BTNL9: variants seen among roughly 807,000 people sequenced by gnomAD.
The protein encoded by BTNL9 is butyrophilin like 9.
A neutral mutation model predicts 45.8 loss-of-function variants in BTNL9; 45 were observed. The ratio of observed to expected loss-of-function variants is 0.98; its 90% CI spans 0.77 to 1.26. BTNL9 has a LOEUF of 1.26. BTNL9 is among the 50% of genes most tolerant of loss of function. The pLI is 0.00. For missense variants in BTNL9, 784 were observed against 729.7 expected (o/e 1.07, Z -0.86); for synonymous variants, 346 against 330.8 (o/e 1.05, Z -0.50).
At position 181,053,562 on chromosome 5, in the gene BTNL9, A is replaced by G. The variant is rs772648579; in HGVS notation, c.886+61A>G. 6.4e-7 allele frequency: 1 copy of G among 1,553,040 alleles called. No individual in the cohort carries two copies. The highest frequency in any genetic ancestry group is 1.2e-5 in the South Asian group (1 of 84,184). ...CAAGTGCCAAAACCCGCCGTCATCT[A>G]AAGGCTGTGGGTCCCGTTACGAGGG... On this transcript the variant is annotated intron_variant, in intron 6 of 10. Coordinates refer to ENST00000327705, the MANE Select transcript of BTNL9 (RefSeq NM_152547.5). The surrounding 1 kb of genome is among the most constrained non-coding windows in gnomAD (Gnocchi z 6.5).
intron 1 of BTNL9, among the ~76,000 whole-genome samples, chr5:181,045,004 C>T (rs747772636): frequency 3.3e-5 from 5 of 152,272 alleles, no homozygotes; most frequent in African/African-American, 1.2e-4. Flanking sequence ...TTTGCGGACT[C>T]GATGTTCCAG....
chr5:181,059,253 C>T lies in BTNL9; in HGVS notation c.999C>T (p.Asp333=), dbSNP rs1226066190. The part of the protein sequence containing the change: ...AQKYAVDVTL[D]PASAHPSLEV... The stretch of plus-strand genomic sequence containing the variant: ...TCTGCGCAGTGGATGTGACGCTGGA[C>T]CCGGCCTCGGCGCACCCCAGCCTGG... The change falls in exon 11 of 11, where the codon GAC becomes GAT. Residue 333 remains aspartate (D), a synonymous_variant. Transcript: ENST00000327705. 6.4e-7 allele frequency: 1 copy of T among 1,562,388 alleles called. No homozygotes were observed. Among genetic ancestry groups the T allele is most frequent in the Non-Finnish European group, 8.6e-7 (1 of 1,163,648 alleles).
chr5:181,054,374 C>T (rs898356429), intron 7 of BTNL9, 115 bp downstream of exon 7: 14 of 1,544,652 alleles, frequency 9.1e-6, no homozygotes, highest in South Asian at 6.4e-5. Context: ...TCTAAACCAT[C>T]CCTGTGAGCC....
rs1761706473 is a variant in BTNL9 at position 181,053,613 on chromosome 5, C to T, written c.886+112C>T. The T allele has an allele frequency of 1.0e-5, 16 of 1,546,276 alleles. No individual in the cohort carries two copies. The highest frequency in any genetic ancestry group is 1.4e-5 in the Non-Finnish European group (16 of 1,144,292). ...TTTATTCCAGCGCGAGGTGTCAGGG[C>T]GGCCACCGGGGAACGGGGATCGGTG... is the stretch of plus-strand genomic sequence containing the variant. On this transcript the variant is annotated intron_variant, in intron 6 of 10. Coordinates refer to ENST00000327705, the MANE Select transcript of BTNL9 (RefSeq NM_152547.5). The surrounding 1 kb of genome is among the most constrained non-coding windows in gnomAD (Gnocchi z 6.5).
In BTNL9 at chr5:181,050,712, C is replaced by T. The variant is rs1458634749; in HGVS notation, c.736+343C>T. On this transcript the variant is annotated intron_variant, in intron 4 of 10. Transcript: ENST00000327705. The surrounding 1 kb of genome is among the most constrained non-coding windows in gnomAD (Gnocchi z 4.9). Reference sequence around the variant, plus strand: ...GTATTGAGTTTCCACAACGTGACCCCAGTCCCTACCCTCAGGTCCCCATGC... The same window carrying T: ...GTATTGAGTTTCCACAACGTGACCCTAGTCCCTACCCTCAGGTCCCCATGC... 6.6e-6 allele frequency among the ~76,000 whole-genome samples: 1 copy of T among 152,220 alleles called. No individual in the cohort carries two copies. Among genetic ancestry groups the T allele is most frequent in the African/African-American group, 2.4e-5 (1 of 41,450 alleles).
At position 181,055,161 on chromosome 5, in the gene BTNL9, G is replaced by A. The variant is rs1396967815; in HGVS notation, c.908-272G>A. On this transcript the variant is annotated intron_variant, in intron 7 of 10. Transcript: ENST00000327705. This position sits in a 1 kb window ranked among gnomAD's most constrained non-coding sequence, Gnocchi z 4.4. ...GCAGAAGGAACAACCCCAACCCTGG[G>A]AAGAGGCCTGTCAGTACTAAGATCT... 7.9e-7 allele frequency: 1 copy of A among 1,269,980 alleles called. No individual in the cohort carries two copies. The highest frequency in any genetic ancestry group is 1.5e-5 in the African/African-American group (1 of 65,298). 78.7% of individuals were successfully genotyped at this position (1,269,980 alleles called of 1,614,324 possible).
chr5:181,055,597 G>T lies in BTNL9; in HGVS notation c.928+144G>T. 1 of 975,296 alleles carries T rather than the reference G, an allele frequency of 1.0e-6. No individual in the cohort carries two copies. Among genetic ancestry groups the T allele is most frequent in the Non-Finnish European group, 1.6e-6 (1 of 625,326 alleles). 60.4% of individuals were successfully genotyped at this position (975,296 alleles called of 1,614,324 possible). The stretch of plus-strand genomic sequence containing the variant: ...AGCCTGGCTAACACAGTGAAACCCC[G>T]TCTCTTCTAAAAATACAAAAAATTA... On this transcript the variant is annotated intron_variant, in intron 8 of 10. Coordinates refer to ENST00000327705, the MANE Select transcript of BTNL9 (RefSeq NM_152547.5). This position sits in a 1 kb window ranked among gnomAD's most constrained non-coding sequence, Gnocchi z 4.4.
At chr5:181,054,878 A>G (rs1252569722) in intron 7 of BTNL9, 2 of 985,384 alleles carry the variant, frequency 2.0e-6, no homozygotes, top group African/African-American at 1.7e-5. Context: ...ATTGTAAGTC[A>G]TAACACTATA....
rs749584088 is a variant in BTNL9 at position 181,059,716 on chromosome 5, C to G, written c.1462C>G (p.Pro488Ala). The part of the protein sequence containing the change: ...FSGALCAYFR[P>A]RAHDGGEHPD... ...GGGCGCGCTCTGTGCGTACTTCAGGCCCAGGGCCCACGACGGCGGCGAACA... is the reference window on the plus strand; with the variant it reads ...GGGCGCGCTCTGTGCGTACTTCAGGGCCAGGGCCCACGACGGCGGCGAACA... The change falls in exon 11 of 11, where the codon CCC (proline) becomes GCC (alanine). Residue 488 changes from proline to alanine, a missense_variant. Pro to Ala is a conservative substitution (Grantham distance 27, BLOSUM62 -1). Transcript: ENST00000327705. 3.1e-6 allele frequency: 5 copies of G among 1,613,520 alleles called. No homozygotes were observed. Among genetic ancestry groups the G allele is most frequent in the Non-Finnish European group, 4.2e-6 (5 of 1,179,964 alleles).
At chr5:181,045,632 G>A (rs771760064) in intron 2 of BTNL9, 34 bp downstream of exon 2, 9 of 1,533,140 alleles carry the variant, frequency 5.9e-6, no homozygotes, top group Non-Finnish European at 1.8e-6. Flanking sequence ...GCCAGGATGT[G>A]AACGCCACCC....
At chr5:181,058,861 C>T (rs189844960) in intron 10 of BTNL9, among the ~76,000 whole-genome samples, 120 of 151,892 alleles carry the variant, frequency 7.9e-4, no homozygotes, top group African/African-American at 2.7e-3. Flanking sequence ...TGACGCTCAG[C>T]GCTCTCCTGA....
At chr5:181,056,299 A>G (rs940885862) in intron 9 of BTNL9, among the ~76,000 whole-genome samples, 1 of 152,168 alleles carries the variant, frequency 6.6e-6, no homozygotes, top group African/African-American at 2.4e-5. Flanking sequence ...GTTGCTGTAC[A>G]TGTAAATACT....
chr5:181,046,641 C>A (rs1414243873), intron 2 of BTNL9, among the ~76,000 whole-genome samples: 5 of 151,850 alleles, frequency 3.3e-5, no homozygotes, highest in Admixed American at 6.6e-5. Flanking sequence ...GCATAAATGG[C>A]TGTCCATTTA....
At chr5:181,049,062 A>G (rs1761391679) in intron 3 of BTNL9, among the ~76,000 whole-genome samples, 1 of 151,196 alleles carries the variant, frequency 6.6e-6, no homozygotes, top group Non-Finnish European at 1.5e-5. Context: ...AAGCTCTTCC[A>G]TGTACTGTTA....
rs1269022947 is a variant in BTNL9 at position 181,053,938 on chromosome 5, C to A, written c.887-301C>A. On this transcript the variant is annotated intron_variant, in intron 6 of 10. Coordinates refer to ENST00000327705, the MANE Select transcript of BTNL9 (RefSeq NM_152547.5). This position sits in a 1 kb window ranked among gnomAD's most constrained non-coding sequence, Gnocchi z 6.5. ...ACAGCCCAGTTACGTGAGGCAGTGT[C>A]CGGGGCTTAACGTTTCCGCCGAGCT... is the stretch of plus-strand genomic sequence containing the variant. The A allele has an allele frequency of 6.6e-7, 1 of 1,519,054 alleles. No individual in the cohort carries two copies. Among genetic ancestry groups the A allele is most frequent in the Non-Finnish European group, 8.8e-7 (1 of 1,136,396 alleles). 94.1% of individuals were successfully genotyped at this position (1,519,054 alleles called of 1,614,324 possible). A position where few individuals can be genotyped will look rare whatever the true frequency, so the allele number is the denominator to read the frequency against.
Position 181,053,578 on chromosome 5 carries a change from G to T in BTNL9, c.886+77G>T. On this transcript the variant is annotated intron_variant, in intron 6 of 10. Transcript: ENST00000327705. The surrounding 1 kb of genome is among the most constrained non-coding windows in gnomAD (Gnocchi z 6.5). ...CCGTCATCTAAAGGCTGTGGGTCCC[G>T]TTACGAGGGTTTATTCCAGCGCGAG... The T allele has an allele frequency of 6.4e-7, 1 of 1,551,048 alleles. No homozygotes were observed. Among genetic ancestry groups the T allele is most frequent in the Non-Finnish European group, 8.7e-7 (1 of 1,147,130 alleles).
chr5:181,051,090 A>AC (rs1561981258), intron 4 of BTNL9, among the ~76,000 whole-genome samples: 2 of 19,210 alleles, frequency 1.0e-4, no homozygotes. Flanking sequence ...AAAAAAAAAC[A>AC]AAAAAAAAAA....
Position 181,059,247 on chromosome 5 carries a change from G to T in BTNL9, c.993G>T (p.Thr331=), listed in dbSNP as rs6601166. ...TGTGGCTCTGCGCAGTGGATGTGAC[G>T]CTGGACCCGGCCTCGGCGCACCCCA... ...RAAQKYAVDV[T]LDPASAHPSL... Residue 331 remains threonine (T), a synonymous_variant, in exon 11 of 11, where the codon ACG becomes ACT. Coordinates refer to ENST00000327705, the MANE Select transcript of BTNL9 (RefSeq NM_152547.5). The T allele has an allele frequency of 0.72, 1,116,706 of 1,557,730 alleles. 402,587 individuals carry two copies. The highest frequency in any genetic ancestry group is 0.79 in the Admixed American group (43,173 of 54,706).
chr5:181,045,947 C>G, intron 2 of BTNL9, among the ~76,000 whole-genome samples: 1 of 63,578 alleles, frequency 1.6e-5, no homozygotes, highest in African/African-American at 6.4e-5. Context: ...TCTCCCCAGC[C>G]TCCAACACCT....
Sources: allele counts gnomAD v4.1 joint callset (sites outside exome capture counted in the v4.1 genomes callset), GRCh38; gene constraint gnomAD v4.1.1; non-coding constraint Gnocchi (gnomAD v3.1); transcripts MANE v1.5; gene names NCBI Gene and HGNC (gene_info 2026-07-23, HGNC 2026-07-21).